STX16: variants seen among roughly 807,000 people sequenced by gnomAD.
The protein encoded by STX16 is syntaxin-16.
STX16 carries 28 observed loss-of-function variants against 42.7 expected under a neutral mutation model. The ratio of observed to expected loss-of-function variants is 0.66; its 90% CI spans 0.49 to 0.90. The LOEUF (loss-of-function observed/expected upper bound fraction) is 0.90, where lower values mean the gene tolerates loss of function less well. STX16 is among the 40% of genes least tolerant of loss of function. The pLI, the probability that STX16 is intolerant of heterozygous loss-of-function variation, is 0.00. For missense variants in STX16, 361 were observed against 420.9 expected (o/e 0.86, Z 1.24); for synonymous variants, 156 against 155.2 (o/e 1.00, Z -0.04).
At chr20:58,661,983 T>C (rs192424229) in intron 2 of STX16, among the ~76,000 whole-genome samples, 1 of 152,282 alleles carries the variant, frequency 6.6e-6, no homozygotes, top group African/African-American at 2.4e-5. Flanking sequence ...TCCTCTAGCC[T>C]GAGTACCCTG....
Position 58,651,776 on chromosome 20 carries a change from C to G in STX16, c.-231C>G, listed in dbSNP as rs747535057. 46 of 491,042 alleles carry G rather than the reference C, an allele frequency of 9.4e-5. No homozygotes were observed. The highest frequency in any genetic ancestry group is 1.6e-4 in the Non-Finnish European group (43 of 270,746). 30.4% of individuals were successfully genotyped at this position (491,042 alleles called of 1,614,324 possible). A position where few individuals can be genotyped will look rare whatever the true frequency, so the allele number is the denominator to read the frequency against. On this transcript the variant is annotated 5_prime_UTR_variant, in exon 1 of 9. Coordinates refer to ENST00000371141, the MANE Select transcript of STX16 (RefSeq NM_001001433.3). ...GATTCAAGTGCTTAGAGATCGAAGTCTGCCCTGGGTAGGGGGAGTCAGACA... is the reference window on the plus strand; with the variant it reads ...GATTCAAGTGCTTAGAGATCGAAGTGTGCCCTGGGTAGGGGGAGTCAGACA...
Position 58,676,352 on chromosome 20 carries a change from C to A in STX16, c.*61C>A. 1 of 1,464,270 alleles carries A rather than the reference C, an allele frequency of 6.8e-7. No individual in the cohort carries two copies. The highest frequency in any genetic ancestry group is 9.6e-7 in the Non-Finnish European group (1 of 1,045,864). The allele number at this position is 1,464,270 out of a possible 1,614,324, so 90.7% of individuals were successfully genotyped here. On this transcript the variant is annotated 3_prime_UTR_variant, in exon 9 of 9. Transcript: ENST00000371141. Reference sequence around the variant, plus strand: ...ATCTCCCGGGTGTGAGGGGCTTGGCCTGCGCCCCGCCAGCTGCCCGCAGAG... The same window carrying A: ...ATCTCCCGGGTGTGAGGGGCTTGGCATGCGCCCCGCCAGCTGCCCGCAGAG...
chr20:58,652,619 G>GTTGTT (rs1421416747), intron 1 of STX16, among the ~76,000 whole-genome samples: 2 of 151,922 alleles, frequency 1.3e-5, no homozygotes, highest in Admixed American at 1.3e-4. Context: ...GAGTTGTGTT[G>GTTGTT]TTGTTTTGTT....
At chr20:58,671,421 C>CA in intron 7 of STX16, 124 bp downstream of exon 7, 2 of 636,468 alleles carry the variant, frequency 3.1e-6, no homozygotes, top group East Asian at 2.8e-5. Flanking sequence ...GTGCACCTGT[C>CA]CTTTATGTGT....
At chr20:58,661,230 A>T (rs2122937993) in intron 2 of STX16, among the ~76,000 whole-genome samples, 1 of 152,360 alleles carries the variant, frequency 6.6e-6, no homozygotes, top group Admixed American at 6.5e-5. Flanking sequence ...CATTTGAATA[A>T]TGTTCCAAGG....
intron 4 of STX16, among the ~76,000 whole-genome samples, chr20:58,668,863 T>A (rs1369653195): frequency 6.6e-6 from 1 of 152,178 alleles, no homozygotes; most frequent in East Asian, 1.9e-4. Context: ...CTCCAAAATT[T>A]GAAACTTTCT....
chr20:58,671,921 A>G (rs1276303752), intron 7 of STX16, among the ~76,000 whole-genome samples: 2 of 152,188 alleles, frequency 1.3e-5, no homozygotes, highest in East Asian at 3.8e-4. Context: ...ATGAAGTTCA[A>G]AATGCTCCAG....
rs753538108 is a variant in STX16 at position 58,652,036 on chromosome 20, CTTG to C, written c.37_39del (p.Leu13del). 4 of 1,614,170 alleles carry C rather than the reference CTTG, an allele frequency of 2.5e-6. No homozygotes were observed. The highest frequency in any genetic ancestry group is 3.4e-6 in the Non-Finnish European group (4 of 1,180,016). On this transcript the variant is annotated inframe_deletion, in exon 1 of 9. Transcript: ENST00000371141. The stretch of plus-strand genomic sequence containing the variant: ...CCACCAGGCGTTTAACCGACGCTTT[CTTG>C]TTGTTGCGGAATAATTCCATCCAAA...
At chr20:58,653,801 T>C (rs1291966706) in intron 1 of STX16, among the ~76,000 whole-genome samples, 1 of 152,048 alleles carries the variant, frequency 6.6e-6, no homozygotes, top group Non-Finnish European at 1.5e-5. Flanking sequence ...TGTTTATTTT[T>C]CAATTTTTAA....
Position 58,667,837 on chromosome 20 carries a change from G to A in STX16, c.253-150G>A, listed in dbSNP as rs1284457798. On this transcript the variant is annotated intron_variant, in intron 3 of 8. Transcript: ENST00000371141. ...AACCCCATGCAACAAGGAAGAATGTGATTTTCTGGTAATTTGAATTAAAAG... is the reference window on the plus strand; with the variant it reads ...AACCCCATGCAACAAGGAAGAATGTAATTTTCTGGTAATTTGAATTAAAAG... The A allele has an allele frequency of 3.7e-6, 4 of 1,091,296 alleles. No individual in the cohort carries two copies. The East Asian group carries it at 9.8e-5, about 27-fold the overall frequency. The allele number at this position is 1,091,296 out of a possible 1,614,324, so 67.6% of individuals were successfully genotyped here. A position where few individuals can be genotyped will look rare whatever the true frequency, so the allele number is the denominator to read the frequency against.
rs16982232 is a variant in STX16 at position 58,668,352 on chromosome 20, C to T, written c.393+225C>T. ...ATTGTTGGCAGATAACTGCTGTGGA[C>T]GGATTAAGTAAATATGAAATTTCAA... On this transcript the variant is annotated intron_variant, in intron 4 of 8. Transcript: ENST00000371141. Among the ~76,000 whole-genome samples, 12,758 of 152,122 alleles carry T rather than the reference C, an allele frequency of 0.084. 617 individuals are homozygous for T. The highest frequency in any genetic ancestry group is 0.11 in the African/African-American group (4,587 of 41,486).
At chr20:58,659,532 G>T in intron 1 of STX16, 91 bp from the exon 2 acceptor site, 1 of 1,364,866 alleles carries the variant, frequency 7.3e-7, no homozygotes, top group South Asian at 1.4e-5. Flanking sequence ...TTTCTCAACT[G>T]ACCATGCCTT....
chr20:58,653,304 C>T (rs1568810116), intron 1 of STX16, among the ~76,000 whole-genome samples: 1 of 152,110 alleles, frequency 6.6e-6, no homozygotes, highest in South Asian at 2.1e-4. Flanking sequence ...AAAATTTTGC[C>T]ATATGTCATG....
intron 3 of STX16, among the ~76,000 whole-genome samples, 189 bp downstream of exon 3, chr20:58,667,786 C>T (rs1021997893): frequency 6.6e-6 from 1 of 152,162 alleles, no homozygotes; most frequent in African/African-American, 2.4e-5. Flanking sequence ...TTGGTAGTAA[C>T]TACCTGAATT....
At chr20:58,667,843 C>T in intron 3 of STX16, 144 bp from the exon 4 acceptor site, 1 of 1,119,794 alleles carries the variant, frequency 8.9e-7, no homozygotes, top group Non-Finnish European at 1.3e-6. Flanking sequence ...ATGTGATTTT[C>T]TGGTAATTTG....
In STX16 at chr20:58,676,565, T is replaced by TA. The variant is rs551010500; in HGVS notation, c.*274_*275insA. 1.0e-5 allele frequency: 3 copies of TA among 290,016 alleles called. No individual in the cohort carries two copies. The South Asian group carries it at 2.8e-4, about 27-fold the overall frequency. 18.0% of individuals were successfully genotyped at this position (290,016 alleles called of 1,614,324 possible). ...GTTCTGGGATCAGTTATAATATATA[T>TA]TTTTTTTAGAAAGAGAAAATGAGCT... On this transcript the variant is annotated 3_prime_UTR_variant, in exon 9 of 9. Coordinates refer to ENST00000371141, the MANE Select transcript of STX16 (RefSeq NM_001001433.3).
At chr20:58,673,200 A>G (rs1055399271) in intron 7 of STX16, among the ~76,000 whole-genome samples, 1 of 152,152 alleles carries the variant, frequency 6.6e-6, no homozygotes. Flanking sequence ...GTCAATTTGC[A>G]GGTCTACTTA....
chr20:58,676,490 C>G lies in STX16; in HGVS notation c.*199C>G. 1.8e-6 allele frequency: 1 copy of G among 564,482 alleles called. No individual in the cohort carries two copies. Among genetic ancestry groups the G allele is most frequent in the African/African-American group, 1.9e-5 (1 of 52,888 alleles). 35.0% of individuals were successfully genotyped at this position (564,482 alleles called of 1,614,324 possible). ...GGGGAATGGGTTTTTGTTTTTCCTT[C>G]ATTGTTGAGAATTTAAGGACCTTTG... On this transcript the variant is annotated 3_prime_UTR_variant, in exon 9 of 9. Coordinates refer to ENST00000371141, the MANE Select transcript of STX16 (RefSeq NM_001001433.3).
At position 58,676,285 on chromosome 20, in the gene STX16, T is replaced by C; in HGVS notation, c.972T>C (p.Ser324=). The C allele has an allele frequency of 6.2e-7, 1 of 1,614,096 alleles. No homozygotes were observed. The highest frequency in any genetic ancestry group is 1.1e-5 in the South Asian group (1 of 91,082). ...VLIVVLVGVK[S]R ...TTGTTGTCCTCGTTGGCGTGAAGTCTCGATAAGTGGCATTGGGTTTTCGTG... is the reference window on the plus strand; with the variant it reads ...TTGTTGTCCTCGTTGGCGTGAAGTCCCGATAAGTGGCATTGGGTTTTCGTG... Residue 324 remains serine, a synonymous_variant, in exon 9 of 9, where the codon TCT becomes TCC. Coordinates refer to ENST00000371141, the MANE Select transcript of STX16 (RefSeq NM_001001433.3).
Sources: allele counts gnomAD v4.1 joint callset (sites outside exome capture counted in the v4.1 genomes callset), GRCh38; gene constraint gnomAD v4.1.1; transcripts MANE v1.5; gene names NCBI Gene and HGNC (gene_info 2026-07-23, HGNC 2026-07-21).